Variants in ELP2 observed in about 807,000 individuals in gnomAD.
The protein encoded by ELP2 is elongator acetyltransferase complex subunit 2, also known as elongator complex protein 2.
ELP2 carries 90 observed loss-of-function variants against 119.2 expected under a neutral mutation model. The ratio of observed to expected loss-of-function variants is 0.75; its 90% CI spans 0.64 to 0.90. The LOEUF (loss-of-function observed/expected upper bound fraction) is 0.90. Among genes scored for constraint, ELP2 ranks in the 40% least tolerant of loss-of-function variants. The pLI is 0.00. For missense variants in ELP2, 921 were observed against 967.8 expected, an observed-to-expected ratio of 0.95 and a Z score of 0.64; for synonymous variants, 339 against 331.0, an observed-to-expected ratio of 1.02 and a Z score of -0.26.
At position 36,159,840 on chromosome 18, in the gene ELP2, G is replaced by A; in HGVS notation, c.1630+10G>A. 6.2e-7 allele frequency: 1 copy of A among 1,612,446 alleles called. No homozygotes were observed. The highest frequency in any genetic ancestry group is 1.1e-5 in the South Asian group (1 of 91,028). ...CCCTCCATACTTACTGGTAAGATGT[G>A]ACAAAGACAATTTAATAAATCGCTA... On this transcript the variant is annotated intron_variant, in intron 15 of 21. Transcript: ENST00000358232.
At chr18:36,134,868 A>G (rs1206343150) in intron 2 of ELP2, among the ~76,000 whole-genome samples, 2 of 152,124 alleles carry the variant, frequency 1.3e-5, no homozygotes, top group Non-Finnish European at 2.9e-5. Context: ...AATTAGTTTT[A>G]TTTTTCATTA....
In ELP2 at chr18:36,174,540, A is replaced by C; in HGVS notation, c.2380A>C (p.Thr794Pro). The change falls in exon 22 of 22, where the codon ACT (threonine) becomes CCT (proline). Residue 794 changes from threonine to proline, a missense_variant. Transcript: ENST00000358232. ...KLCWKNCSGK[T>P]EQKEAEGAEW... is the part of the protein sequence containing the mutation. Reference sequence around the variant, plus strand: ...ATGCTGGAAGAATTGCAGTGGAAAAACTGAACAGAAGGAAGCAGAAGGTGC... The same window carrying C: ...ATGCTGGAAGAATTGCAGTGGAAAACCTGAACAGAAGGAAGCAGAAGGTGC... 1 of 1,614,160 alleles carries C rather than the reference A, an allele frequency of 6.2e-7. No homozygotes were observed. Among genetic ancestry groups the C allele is most frequent in the Non-Finnish European group, 8.5e-7 (1 of 1,180,012 alleles).
intron 5 of ELP2, among the ~76,000 whole-genome samples, chr18:36,140,841 C>T (rs1342187354): frequency 3.3e-5 from 5 of 152,130 alleles, no homozygotes; most frequent in African/African-American, 1.2e-4. Flanking sequence ...TGAAAATGCT[C>T]TCTAGTTGCT....
intron 16 of ELP2, among the ~76,000 whole-genome samples, chr18:36,160,578 G>GAAA (rs34625725): frequency 1.4e-5 from 2 of 141,940 alleles, no homozygotes; most frequent in Admixed American, 7.1e-5. Flanking sequence ...ACCTTGCCTT[G>GAAA]AAAAAAAAAA....
In ELP2 at chr18:36,156,504, G is replaced by A. The variant is rs780363689; in HGVS notation, c.1314G>A (p.Gly438=). 7 of 1,613,992 alleles carry A rather than the reference G, an allele frequency of 4.3e-6. No individual in the cohort carries two copies. The South Asian group carries it at 7.7e-5, about 18-fold the overall frequency. Residue 438 remains glycine, a synonymous_variant, in exon 13 of 22, where the codon GGG becomes GGA. Coordinates refer to ENST00000358232, the MANE Select transcript of ELP2 (RefSeq NM_018255.4). ...WHEIARPQIH[G]YDLKCLAMIN... Reference sequence around the variant, plus strand: ...AAATTGCAAGGCCTCAGATACATGGGTATGACCTGAAATGTTTGGCAATGA... The same window carrying A: ...AAATTGCAAGGCCTCAGATACATGGATATGACCTGAAATGTTTGGCAATGA...
chr18:36,159,791 G>T lies in ELP2; in HGVS notation c.1591G>T (p.Glu531Ter), dbSNP rs766966597. 2.5e-6 allele frequency: 4 copies of T among 1,613,952 alleles called. No homozygotes were observed. The South Asian group carries it at 3.3e-5, about 13-fold the overall frequency. Residue 531 changes from glutamate to a stop codon, truncating the protein, a stop_gained, in exon 15 of 22, where the codon GAG becomes TAG. Coordinates refer to ENST00000358232, the MANE Select transcript of ELP2 (RefSeq NM_018255.4). LOFTEE classifies it high-confidence loss of function. ...GGAGCTGTTAACTAGTACTGGTTTT[G>T]AGTATCAGCAGGTGGCCTTTCAGCC... ...EEELLTSTGF[E>*]YQQVAFQPSI...
intron 5 of ELP2, among the ~76,000 whole-genome samples, chr18:36,140,105 A>T (rs1418314925): frequency 6.6e-6 from 1 of 151,846 alleles, no homozygotes; most frequent in Non-Finnish European, 1.5e-5. Flanking sequence ...CGGCCTCCCA[A>T]AGTGCTGGGA....
At chr18:36,143,064 CAATTGTCAGATTCCTACCTG>C in intron 8 of ELP2, 98 bp downstream of exon 8, 1 of 826,758 alleles carries the variant, frequency 1.2e-6, no homozygotes, top group East Asian at 2.7e-5. Flanking sequence ...TAGTTTTTCA[CAATTGTCAGATTCCTACCTG>C]AAATTTCTTT....
chr18:36,171,501 T>C (rs1265602187), intron 21 of ELP2, among the ~76,000 whole-genome samples: 1 of 152,234 alleles, frequency 6.6e-6, no homozygotes, highest in Non-Finnish European at 1.5e-5. Context: ...TTTAAAAATA[T>C]TCTGGATTGC....
chr18:36,174,133 T>C (rs2091163541), intron 21 of ELP2, among the ~76,000 whole-genome samples: 2 of 152,210 alleles, frequency 1.3e-5, no homozygotes, highest in Non-Finnish European at 2.9e-5. Context: ...TTTAGTAATG[T>C]TATCTAAAAG....
At chr18:36,161,110 A>G in intron 17 of ELP2, 106 bp downstream of exon 17, 1 of 794,256 alleles carries the variant, frequency 1.3e-6, no homozygotes, top group East Asian at 2.5e-5. Context: ...AAAGGCCACT[A>G]GTGCTTGGTT....
At chr18:36,146,176 C>G in intron 10 of ELP2, 74 bp from the exon 11 acceptor site, 1 of 1,598,282 alleles carries the variant, frequency 6.3e-7, no homozygotes, top group African/African-American at 1.3e-5. Flanking sequence ...TTAACAGTCT[C>G]TGGAATCAGC....
Position 36,174,707 on chromosome 18 carries a change from C to A in ELP2, c.*66C>A. ...AAATATTATCATGTAAACAGGTCAT[C>A]TTTACCTTCATAACTGAATTGAGTT... On this transcript the variant is annotated 3_prime_UTR_variant, in exon 22 of 22. Coordinates refer to ENST00000358232, the MANE Select transcript of ELP2 (RefSeq NM_018255.4). The A allele has an allele frequency of 1.4e-6, 2 of 1,463,674 alleles. No individual in the cohort carries two copies. Among genetic ancestry groups the A allele is most frequent in the Non-Finnish European group, 1.9e-6 (2 of 1,051,958 alleles). The allele number at this position is 1,463,674 out of a possible 1,614,324, so 90.7% of individuals were successfully genotyped here.
intron 11 of ELP2, among the ~76,000 whole-genome samples, chr18:36,151,308 C>T (rs1222081600): frequency 6.6e-6 from 1 of 151,616 alleles, no homozygotes; most frequent in African/African-American, 2.4e-5. Flanking sequence ...GTCTCAGACT[C>T]CTGGGCTCAA....
chr18:36,150,197 CAG>C (rs1360497515), intron 11 of ELP2, among the ~76,000 whole-genome samples: 4 of 152,188 alleles, frequency 2.6e-5, no homozygotes, highest in African/African-American at 2.4e-5. Context: ...TGCTGACAAA[CAG>C]AGCAGTTCTT....
chr18:36,146,194 G>A (rs1434996788), intron 10 of ELP2, 56 bp from the exon 11 acceptor site: 1 of 1,610,120 alleles, frequency 6.2e-7, no homozygotes. Context: ...AGCGATTTCT[G>A]TTGTGAGAAA....
At chr18:36,148,401 G>T (rs535393011) in intron 11 of ELP2, among the ~76,000 whole-genome samples, 3 of 152,292 alleles carry the variant, frequency 2.0e-5, no homozygotes, top group Admixed American at 1.3e-4. Context: ...AGTCAAACAG[G>T]TGGGGAAGAT....
rs1007349173 is a variant in ELP2 at position 36,176,602 on chromosome 18, T to C, written c.*1961T>C. 2 of 152,240 alleles carry C rather than the reference T, an allele frequency of 1.3e-5. No individual in the cohort carries two copies. Among genetic ancestry groups the C allele is most frequent in the African/African-American group, 2.4e-5 (1 of 41,462 alleles). The allele number at this position is 152,240 out of a possible 1,614,324, so 9.4% of individuals were successfully genotyped here. ...CTTCCTCTGGAATCACCTTACTGTT[T>C]AGTAAACATTCAGAGGACTTGCTAC... On this transcript the variant is annotated 3_prime_UTR_variant, in exon 22 of 22. Coordinates refer to ENST00000358232, the MANE Select transcript of ELP2 (RefSeq NM_018255.4).
chr18:36,152,697 C>A (rs1468048223), intron 11 of ELP2, among the ~76,000 whole-genome samples: 1 of 152,226 alleles, frequency 6.6e-6, no homozygotes, highest in Non-Finnish European at 1.5e-5. Flanking sequence ...CAGGAATAAT[C>A]TCCCGTGTGT....
Sources: gnomAD v4.1 joint callset for allele counts (sites outside exome capture counted in the v4.1 genomes callset) on GRCh38, gnomAD v4.1.1 for gene constraint, MANE v1.5 for transcripts, NCBI Gene and HGNC (gene_info 2026-07-23, HGNC 2026-07-21) for gene names.